The following CCER1 variants were observed in gnomAD, a reference collection of about 807,000 sequenced individuals.
The protein encoded by CCER1 is coiled-coil glutamate rich protein 1, also known as coiled-coil domain-containing glutamate-rich protein 1.
For synonymous variants in CCER1, 246 were observed against 213.8 expected, an observed-to-expected ratio of 1.15 and a Z score of -1.31; for missense variants, 573 against 524.5, an observed-to-expected ratio of 1.09 and a Z score of -0.90.
chr12:90,954,281 A>T lies in CCER1; in HGVS notation c.462T>A (p.Pro154=). The T allele has an allele frequency of 6.2e-7, 1 of 1,601,452 alleles. No individual in the cohort carries two copies. The highest frequency in any genetic ancestry group is 2.2e-5 in the East Asian group (1 of 44,802). The change falls in exon 1 of 1, where the codon CCT becomes CCA. Residue 154 remains proline (P), a synonymous_variant. Coordinates refer to ENST00000358859, the MANE Select transcript of CCER1 (RefSeq NM_152638.4). The stretch of plus-strand genomic sequence containing the variant: ...GCGGGCTCCGCGGGTAGGAGTGGCG[A>T]GGGTGGTGGCGCAGGCCGCGGCCTC... ...GRRGRGLRHH[P]RHSYPRSPPA...
chr12:90,953,953 TG>T lies in CCER1; in HGVS notation c.789del (p.Asn264ThrfsTer106). On this transcript the variant is annotated frameshift_variant, in exon 1 of 1. Coordinates refer to ENST00000358859, the MANE Select transcript of CCER1 (RefSeq NM_152638.4). LOFTEE classifies it low-confidence loss of function (END_TRUNC). ...GCAAGAGACTGGTTTTCCTCTGGGT[TG>T]GGACTGAATGCTAGAGAGGGATTCT... is the stretch of plus-strand genomic sequence containing the variant. ...FVQNPSLAFS[P>X]NPEENQSLAP... is the part of the protein sequence containing the mutation. 1.9e-6 allele frequency: 3 copies of T among 1,614,228 alleles called. No homozygotes were observed. Among genetic ancestry groups the T allele is most frequent in the Non-Finnish European group, 2.5e-6 (3 of 1,180,036 alleles).
At position 90,953,952 on chromosome 12, in the gene CCER1, T is replaced by C; in HGVS notation, c.791A>G (p.Asn264Ser). ...GGCAAGAGACTGGTTTTCCTCTGGGTTGGGACTGAATGCTAGAGAGGGATT... is the reference window on the plus strand; with the variant it reads ...GGCAAGAGACTGGTTTTCCTCTGGGCTGGGACTGAATGCTAGAGAGGGATT... ...VQNPSLAFSPNPEENQSLAPL... is the reference protein window; with the variant it reads ...VQNPSLAFSPSPEENQSLAPL... Residue 264 changes from asparagine (N) to serine (S), a missense_variant, in exon 1 of 1, where the codon AAC becomes AGC. Asn to Ser is a conservative substitution (Grantham distance 46). Coordinates refer to ENST00000358859, the MANE Select transcript of CCER1 (RefSeq NM_152638.4). 6.2e-7 allele frequency: 1 copy of C among 1,614,236 alleles called. No individual in the cohort carries two copies. Among genetic ancestry groups the C allele is most frequent in the South Asian group, 1.1e-5 (1 of 91,076 alleles).
chr12:90,954,308 G>T lies in CCER1; in HGVS notation c.435C>A (p.Arg145=), dbSNP rs920509298. The T allele has an allele frequency of 1.9e-6, 3 of 1,601,900 alleles. No individual in the cohort carries two copies. Among genetic ancestry groups the T allele is most frequent in the Non-Finnish European group, 2.5e-6 (3 of 1,178,246 alleles). ...KPPGRKKRWG[R]RGRGLRHHPR... is the part of the protein sequence containing the mutation. ...GGTGGTGGCGCAGGCCGCGGCCTCTGCGGCCCCAGCGCTTCTTCCTGCCTG... is the reference window on the plus strand; with the variant it reads ...GGTGGTGGCGCAGGCCGCGGCCTCTTCGGCCCCAGCGCTTCTTCCTGCCTG... Residue 145 remains arginine (R), a synonymous_variant, in exon 1 of 1, where the codon CGC becomes CGA. Transcript: ENST00000358859.
rs1249326779 is a variant in CCER1, at chr12:90,952,857, G to T, written c.*665C>A. On this transcript the variant is annotated 3_prime_UTR_variant, in exon 1 of 1. Transcript: ENST00000358859. The stretch of plus-strand genomic sequence containing the variant: ...CATGACTGGATTATGGATTGTTGAG[G>T]CCATGGCAGATAACCAGTTCCACAG... 1 of 152,580 alleles carries T rather than the reference G, an allele frequency of 6.6e-6. No individual in the cohort carries two copies. Among genetic ancestry groups the T allele is most frequent in the Non-Finnish European group, 1.5e-5 (1 of 68,050 alleles). 9.5% of individuals were successfully genotyped at this position (152,580 alleles called of 1,614,324 possible). A position where few individuals can be genotyped will look rare whatever the true frequency, so the allele number is the denominator to read the frequency against.
rs1177689735 is a variant in CCER1 at position 90,954,188 on chromosome 12, C to T, written c.555G>A (p.Ala185=). 4 of 1,609,462 alleles carry T rather than the reference C, an allele frequency of 2.5e-6. No individual in the cohort carries two copies. Among genetic ancestry groups the T allele is most frequent in the African/African-American group, 2.7e-5 (2 of 74,930 alleles). Residue 185 remains alanine (A), a synonymous_variant, in exon 1 of 1, where the codon GCG becomes GCA. Transcript: ENST00000358859. The stretch of plus-strand genomic sequence containing the variant: ...TGATGAATTGGGTGGTGTTGGGCGG[C>T]GCTCGCATGCCAGGCTCTCTCCACT... ...LYEWREPGMR[A]PPNTTQFIMN... is the part of the protein sequence containing the mutation.
In CCER1 at chr12:90,953,612, G is replaced by T. The variant is rs764042876; in HGVS notation, c.1131C>A (p.Asn377Lys). 5.6e-6 allele frequency: 9 copies of T among 1,614,110 alleles called. No individual in the cohort carries two copies. The highest frequency in any genetic ancestry group is 7.6e-6 in the Non-Finnish European group (9 of 1,180,016). ...GGTTTAAAAAAGTGCAGCTTATAAA[G>T]TTCTCTCTCTTTTCTTCAGCCTCTA... ...IFVEAEEKRE[N>K]FISCTFLNPE... The change falls in exon 1 of 1, where the codon AAC becomes AAA. Residue 377 changes from asparagine (N) to lysine (K), a missense_variant. By Grantham distance (94) the Asn-to-Lys change is moderately conservative. Coordinates refer to ENST00000358859, the MANE Select transcript of CCER1 (RefSeq NM_152638.4).
At position 90,954,663 on chromosome 12, in the gene CCER1, G is replaced by A; in HGVS notation, c.80C>T (p.Ala27Val). Residue 27 changes from alanine (A) to valine (V), a missense_variant, in exon 1 of 1, where the codon GCA (alanine) becomes GTA (valine). Transcript: ENST00000358859. The part of the protein sequence containing the change: ...GGGGGCGCGW[A>V]HSASLSSWSS... ...CCAGGAGCTCAAGGAGGCCGAGTGTGCCCAGCCACAGCCACAGCCGCCGCC... is the reference window on the plus strand; with the variant it reads ...CCAGGAGCTCAAGGAGGCCGAGTGTACCCAGCCACAGCCACAGCCGCCGCC... The A allele has an allele frequency of 6.3e-7, 1 of 1,594,650 alleles. No individual in the cohort carries two copies. The highest frequency in any genetic ancestry group is 1.1e-5 in the South Asian group (1 of 89,156).
chr12:90,952,274 A>T lies in CCER1; in HGVS notation c.*1248T>A, dbSNP rs2120759593. ...CTTATCACCTTGAAAATTGTAATAT[A>T]TCAGTAACAACCAACATTCAGGTAA... On this transcript the variant is annotated 3_prime_UTR_variant, in exon 1 of 1. Coordinates refer to ENST00000358859, the MANE Select transcript of CCER1 (RefSeq NM_152638.4). 1 of 152,768 alleles carries T rather than the reference A, an allele frequency of 6.5e-6. No homozygotes were observed. The highest frequency in any genetic ancestry group is 1.9e-4 in the East Asian group (1 of 5,184). The allele number at this position is 152,768 out of a possible 1,614,324, so 9.5% of individuals were successfully genotyped here. A position where few individuals can be genotyped will look rare whatever the true frequency, so the allele number is the denominator to read the frequency against.
Position 90,954,586 on chromosome 12 carries a change from G to C in CCER1, c.157C>G (p.Arg53Gly). The C allele has an allele frequency of 6.2e-7, 1 of 1,613,954 alleles. No individual in the cohort carries two copies. Among genetic ancestry groups the C allele is most frequent in the Non-Finnish European group, 8.5e-7 (1 of 1,180,004 alleles). The change falls in exon 1 of 1, where the codon CGA becomes GGA. Residue 53 changes from arginine (R) to glycine (G), a missense_variant. Arg to Gly is a moderately radical substitution (Grantham distance 125). Coordinates refer to ENST00000358859, the MANE Select transcript of CCER1 (RefSeq NM_152638.4). ...PGAPAYNRPH[R>G]YSPKTEYGPP... The stretch of plus-strand genomic sequence containing the variant: ...CCATACTCGGTCTTGGGGCTATATC[G>C]GTGCGGTCTATTGTACGCTGGAGCA...
At position 90,953,729 on chromosome 12, in the gene CCER1, C is replaced by G; in HGVS notation, c.1014G>C (p.Glu338Asp). The G allele has an allele frequency of 4.4e-6, 7 of 1,599,886 alleles. No individual in the cohort carries two copies. The highest frequency in any genetic ancestry group is 6.0e-6 in the Non-Finnish European group (7 of 1,167,066). ...GGACCTCCTCTTCCTCTTCCAGCTC[C>G]TCCTCTTCCAGCTCCTCCTCTCCCT... ...VEEGEEELEE[E>D]ELEEEEEVLE... Residue 338 changes from glutamate to aspartate, a missense_variant, in exon 1 of 1, where the codon GAG (glutamate) becomes GAC (aspartate). Coordinates refer to ENST00000358859, the MANE Select transcript of CCER1 (RefSeq NM_152638.4).
rs1876504612 is a variant in CCER1 at position 90,952,652 on chromosome 12, T to C, written c.*870A>G. ...TATTCCACCCCCAAAAGGTAGATAA[T>C]CTTTTTATCTAAAAAAAAAAATCCA... On this transcript the variant is annotated 3_prime_UTR_variant, in exon 1 of 1. Coordinates refer to ENST00000358859, the MANE Select transcript of CCER1 (RefSeq NM_152638.4). 1 of 146,910 alleles carries C rather than the reference T, an allele frequency of 6.8e-6. No homozygotes were observed. The allele number at this position is 146,910 out of a possible 1,614,324, so 9.1% of individuals were successfully genotyped here.
rs1410370346 is a variant in CCER1 at position 90,953,049 on chromosome 12, G to C, written c.*473C>G. On this transcript the variant is annotated 3_prime_UTR_variant, in exon 1 of 1. Transcript: ENST00000358859. ...GGAAAAATATTGTTGAAAAAATACA[G>C]GGATTGAAAATGGCTTCAGTTATGT... is the stretch of plus-strand genomic sequence containing the variant. 1 of 153,828 alleles carries C rather than the reference G, an allele frequency of 6.5e-6. No homozygotes were observed. The highest frequency in any genetic ancestry group is 1.4e-5 in the Non-Finnish European group (1 of 69,262). The allele number at this position is 153,828 out of a possible 1,614,324, so 9.5% of individuals were successfully genotyped here.
rs749568876 is a variant in CCER1, at chr12:90,954,650, G to A, written c.93C>T (p.Ser31=). 2.5e-6 allele frequency: 4 copies of A among 1,605,668 alleles called. No individual in the cohort carries two copies. The South Asian group carries it at 3.3e-5, about 13-fold the overall frequency. Residue 31 remains serine, a synonymous_variant, in exon 1 of 1, where the codon TCC becomes TCT. Coordinates refer to ENST00000358859, the MANE Select transcript of CCER1 (RefSeq NM_152638.4). ...GCGCGWAHSA[S]LSSWSSCHRR... ...GATGGCAGGACGACCAGGAGCTCAA[G>A]GAGGCCGAGTGTGCCCAGCCACAGC...
Position 90,952,597 on chromosome 12 carries a change from A to G in CCER1, c.*925T>C, listed in dbSNP as rs565340215. 2 of 152,392 alleles carry G rather than the reference A, an allele frequency of 1.3e-5. No homozygotes were observed. The highest frequency in any genetic ancestry group is 2.9e-5 in the Non-Finnish European group (2 of 68,030). 9.4% of individuals were successfully genotyped at this position (152,392 alleles called of 1,614,324 possible). ...ACATCTTTGTTTTACTCTTCTTTAT[A>G]ACAAAGACAAATTCAAAAACAAAAT... On this transcript the variant is annotated 3_prime_UTR_variant, in exon 1 of 1. Coordinates refer to ENST00000358859, the MANE Select transcript of CCER1 (RefSeq NM_152638.4).
At position 90,953,876 on chromosome 12, in the gene CCER1, C is replaced by T. The variant is rs1201085117; in HGVS notation, c.867G>A (p.Glu289=). 6.2e-7 allele frequency: 1 copy of T among 1,612,376 alleles called. No homozygotes were observed. The highest frequency in any genetic ancestry group is 2.2e-5 in the East Asian group (1 of 44,872). ...TTGCATCACACACCTCCTGGTCATA[C>T]TCCTCCTCATCATCATTTTTCTTCT... ...EEEKKNDDEE[E]YDQEVCDAKE... Residue 289 remains glutamate, a synonymous_variant, in exon 1 of 1, where the codon GAG becomes GAA. Coordinates refer to ENST00000358859, the MANE Select transcript of CCER1 (RefSeq NM_152638.4).
At position 90,954,062 on chromosome 12, in the gene CCER1, T is replaced by C. The variant is rs996251866; in HGVS notation, c.681A>G (p.Pro227=). 6.2e-7 allele frequency: 1 copy of C among 1,614,004 alleles called. No homozygotes were observed. The highest frequency in any genetic ancestry group is 8.5e-7 in the Non-Finnish European group (1 of 1,180,028). ...QKATVSGEAS[P]ARSSGNDAPP... ...GCGCGTCGTTTCCGGAGGATCTGGC[T>C]GGGGAGGCCTCGCCGCTCACCGTGG... The change falls in exon 1 of 1, where the codon CCA becomes CCG. Residue 227 remains proline, a synonymous_variant. Coordinates refer to ENST00000358859, the MANE Select transcript of CCER1 (RefSeq NM_152638.4).
Position 90,953,882 on chromosome 12 carries a change from C to A in CCER1, c.861G>T (p.Glu287Asp), listed in dbSNP as rs1555214002. 2.5e-6 allele frequency: 4 copies of A among 1,613,176 alleles called. No homozygotes were observed. Among genetic ancestry groups the A allele is most frequent in the East Asian group, 2.2e-5 (1 of 44,866 alleles). ...EEEEEKKNDD[E>D]EEYDQEVCDA... ...CACACACCTCCTGGTCATACTCCTC[C>A]TCATCATCATTTTTCTTCTCCTCCT... Residue 287 changes from glutamate (E) to aspartate (D), a missense_variant, in exon 1 of 1, where the codon GAG becomes GAT. By Grantham distance (45) the Glu-to-Asp change is conservative. Coordinates refer to ENST00000358859, the MANE Select transcript of CCER1 (RefSeq NM_152638.4).
chr12:90,954,980 G>A lies in CCER1; in HGVS notation c.-238C>T. The A allele has an allele frequency of 6.9e-6, 5 of 722,618 alleles. No homozygotes were observed. The highest frequency in any genetic ancestry group is 9.0e-6 in the Non-Finnish European group (4 of 446,224). 44.8% of individuals were successfully genotyped at this position (722,618 alleles called of 1,614,324 possible). On this transcript the variant is annotated 5_prime_UTR_variant, in exon 1 of 1. Coordinates refer to ENST00000358859, the MANE Select transcript of CCER1 (RefSeq NM_152638.4). ...GGGTTGTCTCGCCCAGGTGTGCTGG[G>A]TGGGACTGGGGCTGGGTAAGGATGG...
At position 90,954,465 on chromosome 12, in the gene CCER1, C is replaced by G. The variant is rs746350246; in HGVS notation, c.278G>C (p.Arg93Pro). The G allele has an allele frequency of 6.2e-7, 1 of 1,609,142 alleles. No homozygotes were observed. Among genetic ancestry groups the G allele is most frequent in the African/African-American group, 1.3e-5 (1 of 74,922 alleles). The stretch of plus-strand genomic sequence containing the variant: ...TTTCCAGAATCCTGGAGGGGGTGGG[C>G]GCCAGGGCCCTCCCCAGCACCCCCA... ...SNWGCWGGPW[R>P]PPPPGFWKFP... is the part of the protein sequence containing the mutation. The change falls in exon 1 of 1, where the codon CGC becomes CCC. Residue 93 changes from arginine (R) to proline (P), a missense_variant. Coordinates refer to ENST00000358859, the MANE Select transcript of CCER1 (RefSeq NM_152638.4).
Sources: gnomAD v4.1 joint callset for allele counts on GRCh38, gnomAD v4.1.1 for gene constraint, MANE v1.5 for transcripts, NCBI Gene and HGNC (gene_info 2026-07-23, HGNC 2026-07-21) for gene names.